KCNN2: variants seen among roughly 807,000 people sequenced by gnomAD.
KCNN2 encodes small conductance calcium-activated potassium channel protein 2.
A neutral mutation model predicts 55.5 loss-of-function variants in KCNN2; 24 were observed. That is an observed-to-expected ratio of 0.43 (90% CI 0.31 to 0.61). KCNN2 has a LOEUF of 0.61. Among genes scored for constraint, KCNN2 ranks in the 20% least tolerant of loss-of-function variants. The probability of loss-of-function intolerance (pLI) is 0.08; values close to 1 mark genes in which losing one functional copy is unlikely to be tolerated. For synonymous variants in KCNN2, 431 were observed against 336.1 expected (o/e 1.28, Z -3.09); for missense variants, 754 against 853.6 (o/e 0.88, Z 1.45).
chr5:114,418,770 G>A (rs1355835334), intron 3 of KCNN2, among the ~76,000 whole-genome samples: 1 of 152,112 alleles, frequency 6.6e-6, no homozygotes, highest in Non-Finnish European at 1.5e-5. Context: ...AATTTCTTGG[G>A]TATTTCCTGA....
intron 3 of KCNN2, among the ~76,000 whole-genome samples, chr5:114,461,281 C>A (rs917076710): frequency 6.6e-6 from 1 of 152,146 alleles, no homozygotes; most frequent in African/African-American, 2.4e-5. Flanking sequence ...TATGACTTTC[C>A]TTTTGACAAT....
chr5:114,486,711 A>G (rs1276547935), intron 5 of KCNN2: 2 of 1,288,326 alleles, frequency 1.6e-6, no homozygotes, highest in South Asian at 1.2e-5. Flanking sequence ...AAGGAAGATC[A>G]TGGAGACAAC....
At chr5:114,396,422 T>A (rs1758619000) in intron 2 of KCNN2, among the ~76,000 whole-genome samples, 1 of 152,138 alleles carries the variant, frequency 6.6e-6, no homozygotes, top group Non-Finnish European at 1.5e-5. Flanking sequence ...ATTAAATGGA[T>A]ATTTTTAAAC....
chr5:114,325,053 A>G lies in KCNN2; in HGVS notation c.-184-35892A>G, dbSNP rs557595385. 9.3e-4 allele frequency among the ~76,000 whole-genome samples: 142 copies of G among 152,320 alleles called. 1 individual carries two copies. Among genetic ancestry groups the G allele is most frequent in the Non-Finnish European group, 1.7e-3 (119 of 68,026 alleles). On this transcript the variant is annotated intron_variant, in intron 2 of 10. Coordinates refer to the KCNN2 transcript ENST00000512097. The stretch of plus-strand genomic sequence containing the variant: ...AGCTGAAGGAAAGAGGATTGTTCAT[A>G]TATAGTGTCAGAAAACTAAGCAGGA...
At chr5:114,223,864 T>G (rs1754192010) in intron 2 of KCNN2, among the ~76,000 whole-genome samples, 1 of 152,036 alleles carries the variant, frequency 6.6e-6, no homozygotes, top group South Asian at 2.1e-4. Context: ...CCCAAACCTT[T>G]GAAGAAGGGG....
intron 1 of KCNN2, among the ~76,000 whole-genome samples, chr5:114,125,388 C>T (rs1751909413): frequency 6.6e-6 from 1 of 152,164 alleles, no homozygotes; most frequent in South Asian, 2.1e-4. Context: ...TTAGTATTAA[C>T]ATATTTTTAA....
intron 1 of KCNN2, among the ~76,000 whole-genome samples, chr5:114,174,955 C>G (rs780193094): frequency 2.0e-5 from 3 of 152,182 alleles, no homozygotes; most frequent in Non-Finnish European, 4.4e-5. Context: ...GTCCTCCCTT[C>G]AGGAAATAAC....
At chr5:114,469,330 C>T (rs780552987) in intron 4 of KCNN2, among the ~76,000 whole-genome samples, 6 of 152,130 alleles carry the variant, frequency 3.9e-5, no homozygotes, top group South Asian at 2.1e-4. Flanking sequence ...ACAAGCCAAG[C>T]GAAACCTGAA....
intron 1 of KCNN2, among the ~76,000 whole-genome samples, chr5:114,061,603 T>G (rs1750332885): frequency 6.6e-6 from 1 of 152,114 alleles, no homozygotes. Flanking sequence ...TGGGGTTTGA[T>G]TCTGTGAGTT....
At chr5:114,361,694 T>C (rs557570437), upstream of KCNN2, among the ~76,000 whole-genome samples, 129 of 152,198 alleles carry the variant, frequency 8.5e-4, 1 homozygote, top group Non-Finnish European at 1.4e-3. Flanking sequence ...GCGCAGGTGA[T>C]CCGGGCAGCG....
Position 114,114,962 on chromosome 5 carries a change from C to G in KCNN2, c.-271+58462C>G, listed in dbSNP as rs1166425176. Among the ~76,000 whole-genome samples the G allele has an allele frequency of 3.3e-5, 5 of 152,272 alleles. No individual in the cohort carries two copies. In the East Asian group the frequency reaches 9.7e-4, roughly 29 times the overall value. On this transcript the variant is annotated intron_variant, in intron 1 of 10. Transcript: ENST00000512097. ...GCTAAACTATGTCATGGAATATTTC[C>G]TTTTCCCTTCACAATATTAGTTGGT...
intron 1 of KCNN2, among the ~76,000 whole-genome samples, chr5:114,199,413 C>T (rs1444973514): frequency 1.3e-5 from 2 of 152,020 alleles, no homozygotes; most frequent in Non-Finnish European, 1.5e-5. Context: ...AATCCATTTA[C>T]CTTCAAGGTT....
At chr5:114,304,281 G>T (rs2150023586) in intron 2 of KCNN2, among the ~76,000 whole-genome samples, 1 of 152,274 alleles carries the variant, frequency 6.6e-6, no homozygotes, top group African/African-American at 2.4e-5. Context: ...GGCCATAGTT[G>T]TAAATTATTG....
chr5:114,093,757 C>T (rs1405614503), intron 1 of KCNN2, among the ~76,000 whole-genome samples: 1 of 152,158 alleles, frequency 6.6e-6, no homozygotes, highest in Non-Finnish European at 1.5e-5. Flanking sequence ...CTTATTATCA[C>T]AAGAACAGCA....
At chr5:114,267,374 T>A (rs1394612753) in intron 2 of KCNN2, among the ~76,000 whole-genome samples, 1 of 152,120 alleles carries the variant, frequency 6.6e-6, no homozygotes, top group East Asian at 1.9e-4. Context: ...CCCACCCCAT[T>A]CTTCATTGCC....
At chr5:114,193,321 C>G (rs1377623188) in intron 1 of KCNN2, among the ~76,000 whole-genome samples, 1 of 152,064 alleles carries the variant, frequency 6.6e-6, no homozygotes, top group Admixed American at 6.6e-5. Flanking sequence ...CATGAATTGT[C>G]TCTGGGCAAA....
At chr5:114,411,907 G>A (rs976787831) in intron 3 of KCNN2, among the ~76,000 whole-genome samples, 1 of 152,022 alleles carries the variant, frequency 6.6e-6, no homozygotes, top group Non-Finnish European at 1.5e-5. Flanking sequence ...ATCACATATG[G>A]TATATTGTGG....
intron 2 of KCNN2, among the ~76,000 whole-genome samples, chr5:114,289,275 G>A (rs1386341235): frequency 6.6e-6 from 1 of 151,932 alleles, no homozygotes; most frequent in Non-Finnish European, 1.5e-5. Flanking sequence ...ACAAGTACAG[G>A]TCCTCCAATT....
intron 3 of KCNN2, among the ~76,000 whole-genome samples, chr5:114,409,371 C>T (rs746342375): frequency 1.1e-4 from 16 of 152,108 alleles, no homozygotes; most frequent in African/African-American, 1.7e-4. Flanking sequence ...CAATTTGGAA[C>T]ATGATGTCAC....
Sources: gnomAD v4.1 joint callset for allele counts (sites outside exome capture counted in the v4.1 genomes callset) on GRCh38, gnomAD v4.1.1 for gene constraint, MANE v1.5 for transcripts, NCBI Gene and HGNC (gene_info 2026-07-23, HGNC 2026-07-21) for gene names.